Variants in UNC13C observed in about 807,000 individuals in gnomAD.
UNC13C encodes protein unc-13 homolog C.
In UNC13C, 174 loss-of-function variants were observed where a neutral mutation model predicts 245.4. That is an observed-to-expected ratio of 0.71 (90% CI 0.63 to 0.80). The LOEUF (loss-of-function observed/expected upper bound fraction) is 0.80. UNC13C is among the 30% of genes least tolerant of loss of function. The pLI is 0.00. For missense variants in UNC13C, 2,829 were observed against 2,602.9 expected (o/e 1.09, Z -1.89); for synonymous variants, 992 against 895.1 (o/e 1.11, Z -1.93).
chr15:54,403,899 C>T (rs2040239901), intron 18 of UNC13C, among the ~76,000 whole-genome samples: 1 of 151,912 alleles, frequency 6.6e-6, no homozygotes, highest in Non-Finnish European at 1.5e-5. Flanking sequence ...CTTTATGGTA[C>T]AAGAGAACCT....
In UNC13C at chr15:54,546,775, A is replaced by G. The variant is rs1566900780; in HGVS notation, c.5750A>G (p.Lys1917Arg). 6.4e-7 allele frequency: 1 copy of G among 1,560,312 alleles called. No homozygotes were observed. The change falls in exon 27 of 33, where the codon AAA becomes AGA. Residue 1917 changes from lysine to arginine, a missense_variant. Physicochemically the swap from Lys to Arg is conservative, Grantham distance 26. Coordinates refer to ENST00000260323, the MANE Select transcript of UNC13C (RefSeq NM_001080534.3). ...CEKTVLKRVL[K>R]ELWKLVLNKI... ...AAAACAGTCCTAAAGCGAGTTTTAA[A>G]AGAGTTATGGAAGCTAGTTCTCAAC...
At chr15:54,144,462 G>A (rs569330411) in intron 4 of UNC13C, among the ~76,000 whole-genome samples, 7 of 151,982 alleles carry the variant, frequency 4.6e-5, no homozygotes, top group South Asian at 2.1e-4. Context: ...TCTTTACAAT[G>A]GCCGTATGAG....
intron 4 of UNC13C, among the ~76,000 whole-genome samples, chr15:54,168,259 G>T (rs11855409): frequency 0.47 from 72,021 of 151,902 alleles, 17,344 homozygotes; most frequent in East Asian, 0.58. Context: ...TACTTTCGCT[G>T]GTTTACATTG....
intron 19 of UNC13C, among the ~76,000 whole-genome samples, chr15:54,445,740 GT>G (rs2140997629): frequency 6.6e-6 from 1 of 152,262 alleles, no homozygotes; most frequent in Non-Finnish European, 1.5e-5. Flanking sequence ...CATTCTGTAG[GT>G]TGCCTGTTCA....
At chr15:54,342,695 G>A (rs912382190) in intron 17 of UNC13C, among the ~76,000 whole-genome samples, 5 of 152,172 alleles carry the variant, frequency 3.3e-5, no homozygotes, top group South Asian at 2.1e-4. Context: ...AGAAAGCAAT[G>A]TTAGATGAAG....
intron 18 of UNC13C, among the ~76,000 whole-genome samples, chr15:54,410,540 T>G (rs2040395764): frequency 2.0e-5 from 3 of 152,124 alleles, no homozygotes; most frequent in African/African-American, 7.2e-5. Flanking sequence ...TTGATTTTTG[T>G]ATATGGTGAA....
rs573168053 is a variant in UNC13C at position 54,610,722 on chromosome 15, G to C, written c.6107-11605G>C. 2.0e-5 allele frequency among the ~76,000 whole-genome samples: 3 copies of C among 152,252 alleles called. No homozygotes were observed. The South Asian group carries it at 6.2e-4, about 32-fold the overall frequency. ...ACTATTACTCCTATTTTACAGATGT[G>C]AGATTTGAGATTAAGTAACTTACTC... On this transcript the variant is annotated intron_variant, in intron 30 of 32. Coordinates refer to ENST00000260323, the MANE Select transcript of UNC13C (RefSeq NM_001080534.3).
At chr15:54,525,676 T>G in intron 25 of UNC13C, 39 bp downstream of exon 25, 3 of 1,478,248 alleles carry the variant, frequency 2.0e-6, no homozygotes, top group Non-Finnish European at 2.8e-6. Context: ...ATTAGATAAT[T>G]AGGTGTCAGT....
Position 54,158,476 on chromosome 15 carries a change from T to C in UNC13C, c.3071+14792T>C, listed in dbSNP as rs191608201. Among the ~76,000 whole-genome samples the C allele has an allele frequency of 4.2e-3, 641 of 152,048 alleles. 6 individuals are homozygous for C. Among genetic ancestry groups the C allele is most frequent in the African/African-American group, 0.015 (616 of 41,474 alleles). On this transcript the variant is annotated intron_variant, in intron 4 of 32. Transcript: ENST00000260323. ...CTGGGGCTACAGGCGCCCGCCACCA[T>C]GCCCAGCTAATTTTTTGTATTTTTA...
At chr15:54,413,554 G>A (rs1419116803) in intron 18 of UNC13C, among the ~76,000 whole-genome samples, 1 of 152,108 alleles carries the variant, frequency 6.6e-6, no homozygotes, top group Non-Finnish European at 1.5e-5. Context: ...TATTCAGATT[G>A]TATTAAATTT....
chr15:54,203,833 T>TACACATACATATACTATATATAC (rs2034616369), intron 4 of UNC13C, among the ~76,000 whole-genome samples: 1 of 149,470 alleles, frequency 6.7e-6, no homozygotes, highest in African/African-American at 2.5e-5. Context: ...TGTATGTATA[T>TACACATACATATACTATATATAC]ACACATACAT....
chr15:54,143,740 G>A lies in UNC13C; in HGVS notation c.3071+56G>A. 3.7e-6 allele frequency: 5 copies of A among 1,366,472 alleles called. No individual in the cohort carries two copies. The South Asian group carries it at 6.1e-5, about 17-fold the overall frequency. The allele number at this position is 1,366,472 out of a possible 1,614,324, so 84.6% of individuals were successfully genotyped here. A position where few individuals can be genotyped will look rare whatever the true frequency, so the allele number is the denominator to read the frequency against. On this transcript the variant is annotated intron_variant, in intron 4 of 32. Coordinates refer to ENST00000260323, the MANE Select transcript of UNC13C (RefSeq NM_001080534.3). The stretch of plus-strand genomic sequence containing the variant: ...CCATTCATAGATGGCACTTGGCTGT[G>A]TTCTCAACATATATGCTTTGAGTGC...
upstream of UNC13C, among the ~76,000 whole-genome samples, chr15:53,977,829 T>TAGA (rs1208353071): frequency 2.0e-5 from 3 of 152,170 alleles, no homozygotes; most frequent in Admixed American, 2.0e-4. Flanking sequence ...TGAAAAGACA[T>TAGA]TATTCCTAAG....
intron 1 of UNC13C, among the ~76,000 whole-genome samples, chr15:53,986,198 G>C (rs988113421): frequency 6.6e-6 from 1 of 152,038 alleles, no homozygotes; most frequent in African/African-American, 2.4e-5. Context: ...ATTTCTCAAA[G>C]AGTGAACAAA....
chr15:54,403,209 T>C (rs2040222635), intron 18 of UNC13C, among the ~76,000 whole-genome samples: 1 of 152,192 alleles, frequency 6.6e-6, no homozygotes, highest in Non-Finnish European at 1.5e-5. Context: ...TCCTTTGTCA[T>C]ACTGCCAGGA....
the UNC13C span, among the ~76,000 whole-genome samples, chr15:53,850,956 C>A: frequency 6.6e-6 from 1 of 151,012 alleles, no homozygotes; most frequent in East Asian, 1.9e-4. Context: ...TATGCAGTGT[C>A]TAATCTGCTT....
intron 2 of UNC13C, among the ~76,000 whole-genome samples, chr15:54,024,764 A>C (rs1226134670): frequency 6.6e-6 from 1 of 152,006 alleles, no homozygotes; most frequent in East Asian, 1.9e-4. Flanking sequence ...AACACAAAAA[A>C]ATTAGCCGGG....
At chr15:54,216,756 T>C (rs934169460) in intron 4 of UNC13C, among the ~76,000 whole-genome samples, 3 of 151,968 alleles carry the variant, frequency 2.0e-5, no homozygotes, top group Non-Finnish European at 4.4e-5. Flanking sequence ...CCTATTTAAG[T>C]TTCATTTTTC....
At chr15:54,239,661 A>C (rs2035800203) in intron 7 of UNC13C, among the ~76,000 whole-genome samples, 1 of 152,126 alleles carries the variant, frequency 6.6e-6, no homozygotes, top group Admixed American at 6.5e-5. Context: ...TCTGTTGCCC[A>C]GGCTGGTCTC....
Sources: gnomAD v4.1 joint callset for allele counts (sites outside exome capture counted in the v4.1 genomes callset) on GRCh38, gnomAD v4.1.1 for gene constraint, MANE v1.5 for transcripts, NCBI Gene and HGNC (gene_info 2026-07-23, HGNC 2026-07-21) for gene names.